RGL2: variants seen among roughly 807,000 people sequenced by gnomAD.
RGL2 encodes ral guanine nucleotide dissociation stimulator like 2, also known as ral guanine nucleotide dissociation stimulator-like 2.
In RGL2, 40 loss-of-function variants were observed where a neutral mutation model predicts 84.6. The observed-to-expected ratio is 0.47, with a 90% CI of 0.37 to 0.62. The LOEUF is 0.62. RGL2 is among the 20% of genes least tolerant of loss of function. The pLI, the probability that RGL2 is intolerant of heterozygous loss-of-function variation, is 0.00. For missense variants in RGL2, 865 were observed against 1,019.7 expected, an observed-to-expected ratio of 0.85 and a Z score of 2.07; for synonymous variants, 369 against 417.3, an observed-to-expected ratio of 0.88 and a Z score of 1.41.
In RGL2 at chr6:33,291,868, C is replaced by T. The variant is rs1473058216; in HGVS notation, c.*234G>A. 3.3e-6 allele frequency: 2 copies of T among 602,326 alleles called. No homozygotes were observed. Among genetic ancestry groups the T allele is most frequent in the Non-Finnish European group, 5.9e-6 (2 of 338,784 alleles). 37.3% of individuals were successfully genotyped at this position (602,326 alleles called of 1,614,324 possible). ...TTTTTCCAGCACTACCTGTGTGCTG[C>T]ACTCATGGAAGGTGGGAAGCTATAC... On this transcript the variant is annotated 3_prime_UTR_variant, in exon 18 of 18. Transcript: ENST00000497454.
rs1248136261 is a variant in RGL2, at chr6:33,295,484, C to A, written c.1020+24G>T. 6.2e-7 allele frequency: 1 copy of A among 1,613,210 alleles called. No individual in the cohort carries two copies. Among genetic ancestry groups the A allele is most frequent in the South Asian group, 1.1e-5 (1 of 91,062 alleles). Reference sequence around the variant, plus strand: ...GGCCTCTCCATTCCATGGCCACAAACCGTAGGGCAATCTTCTCTCTCACCT... The same window carrying A: ...GGCCTCTCCATTCCATGGCCACAAAACGTAGGGCAATCTTCTCTCTCACCT... On this transcript the variant is annotated intron_variant, in intron 7 of 17. Transcript: ENST00000497454. This position sits in a 1 kb window ranked among gnomAD's most constrained non-coding sequence, Gnocchi z 7.2.
At position 33,293,116 on chromosome 6, in the gene RGL2, C is replaced by T. The variant is rs781050237; in HGVS notation, c.1907G>A (p.Gly636Glu). ...TGGCCCAGATCCCTCTCCCCCATAT[C>T]CAGTCCCCCCGGAGGCCTCTTCTGC... Reference protein sequence around the residue: ...GGAEEASGGTGYGGEGSGPGA... With the variant: ...GGAEEASGGTEYGGEGSGPGA... The change falls in exon 16 of 18, where the codon GGA becomes GAA. Residue 636 changes from glycine to glutamate, a missense_variant. This residue lies in a region of RGL2 where 302 missense variants were observed against 327.9 expected (regional missense o/e 0.92). Transcript: ENST00000497454. The surrounding 1 kb of genome is among the most constrained non-coding windows in gnomAD (Gnocchi z 7.0). The T allele has an allele frequency of 6.2e-7, 1 of 1,613,858 alleles. No individual in the cohort carries two copies. Among genetic ancestry groups the T allele is most frequent in the South Asian group, 1.1e-5 (1 of 91,054 alleles).
In RGL2 at chr6:33,295,279, G is replaced by C. The variant is rs374216950; in HGVS notation, c.1124+40C>G. 6.4e-5 allele frequency: 100 copies of C among 1,560,956 alleles called. No homozygotes were observed. Among genetic ancestry groups the C allele is most frequent in the Non-Finnish European group, 8.4e-5 (97 of 1,152,064 alleles). Reference sequence around the variant, plus strand: ...TGTCACCCCCTCTTCCCCGCCTTCTGAGGAACCCCCACCCCAGTCCAATGC... The same window carrying C: ...TGTCACCCCCTCTTCCCCGCCTTCTCAGGAACCCCCACCCCAGTCCAATGC... On this transcript the variant is annotated intron_variant, in intron 8 of 17. Coordinates refer to ENST00000497454, the MANE Select transcript of RGL2 (RefSeq NM_004761.5). This position sits in a 1 kb window ranked among gnomAD's most constrained non-coding sequence, Gnocchi z 7.2.
rs767656250 is a variant in RGL2, at chr6:33,294,652, T to TA, written c.1353+35dup. 1 of 1,611,660 alleles carries TA rather than the reference T, an allele frequency of 6.2e-7. No individual in the cohort carries two copies. The highest frequency in any genetic ancestry group is 1.3e-5 in the African/African-American group (1 of 74,932). ...CTGTCCGACCCTGCAGCCCACTTGT[T>TA]ACATCATTGCAATGACACACACACA... On this transcript the variant is annotated intron_variant, in intron 11 of 17. Coordinates refer to ENST00000497454, the MANE Select transcript of RGL2 (RefSeq NM_004761.5). The surrounding 1 kb of genome is among the most constrained non-coding windows in gnomAD (Gnocchi z 5.0).
In RGL2 at chr6:33,294,137, C is replaced by T; in HGVS notation, c.1354-71G>A. 6.5e-7 allele frequency: 1 copy of T among 1,543,700 alleles called. No homozygotes were observed. Among genetic ancestry groups the T allele is most frequent in the Middle Eastern group, 2.3e-4 (1 of 4,438 alleles). On this transcript the variant is annotated intron_variant, in intron 11 of 17. Transcript: ENST00000497454. The surrounding 1 kb of genome is among the most constrained non-coding windows in gnomAD (Gnocchi z 5.0). ...CGGCCACAGAGAGAGAATATCCCCT[C>T]TCTTAAACACACACAGCCACATCCA... is the stretch of plus-strand genomic sequence containing the variant.
In RGL2 at chr6:33,298,649, C is replaced by A. The variant is rs1473570468; in HGVS notation, c.-39G>T. ...AATCAGCGGGGTCGGGCCATGGGGG[C>A]GCCTGGGGAGAGACGGGGTGGGGTG... On this transcript the variant is annotated splice_region_variant and 5_prime_UTR_variant, in exon 2 of 18. Transcript: ENST00000497454. The surrounding 1 kb of genome is among the most constrained non-coding windows in gnomAD (Gnocchi z 4.8). The A allele has an allele frequency of 7.6e-7, 1 of 1,307,196 alleles. No homozygotes were observed. The highest frequency in any genetic ancestry group is 1.6e-5 in the South Asian group (1 of 61,252). 81.0% of individuals were successfully genotyped at this position (1,307,196 alleles called of 1,614,324 possible). A position where few individuals can be genotyped will look rare whatever the true frequency, so the allele number is the denominator to read the frequency against.
At position 33,297,491 on chromosome 6, in the gene RGL2, G is replaced by A. The variant is rs750267937; in HGVS notation, c.157-376C>T. ...CGAGAGGCAGCAAGCCAGAGGCAGC[G>A]ACTAGGGGTAGCTGAAACCTCAGTC... On this transcript the variant is annotated intron_variant, in intron 2 of 17. Transcript: ENST00000497454. The surrounding 1 kb of genome is among the most constrained non-coding windows in gnomAD (Gnocchi z 4.0). The A allele has an allele frequency of 1.4e-4, 33 of 238,982 alleles. No homozygotes were observed. Among genetic ancestry groups the A allele is most frequent in the Admixed American group, 4.0e-4 (8 of 19,952 alleles). 14.8% of individuals were successfully genotyped at this position (238,982 alleles called of 1,614,324 possible). A position where few individuals can be genotyped will look rare whatever the true frequency, so the allele number is the denominator to read the frequency against.
Position 33,293,562 on chromosome 6 carries a change from G to A in RGL2, c.1605-38C>T, listed in dbSNP as rs1767643675. 2 of 1,612,562 alleles carry A rather than the reference G, an allele frequency of 1.2e-6. No homozygotes were observed. Among genetic ancestry groups the A allele is most frequent in the Non-Finnish European group, 8.5e-7 (1 of 1,179,070 alleles). ...GAGATTGGGAGGATCAGAGAAAAGT[G>A]GAAGTCCCAAGAAACCACCCCCCAG... On this transcript the variant is annotated intron_variant, in intron 14 of 17. Transcript: ENST00000497454. The surrounding 1 kb of genome is among the most constrained non-coding windows in gnomAD (Gnocchi z 7.0).
In RGL2 at chr6:33,298,879, A is replaced by C; in HGVS notation, c.-51T>G. The C allele has an allele frequency of 1.7e-5, 2 of 120,388 alleles. No homozygotes were observed. Among genetic ancestry groups the C allele is most frequent in the Non-Finnish European group, 3.0e-5 (2 of 65,724 alleles). The allele number at this position is 120,388 out of a possible 1,614,324, so 7.5% of individuals were successfully genotyped here. A position where few individuals can be genotyped will look rare whatever the true frequency, so the allele number is the denominator to read the frequency against. ...GTGCTCAGGCTCTGACCTGCTCGGG[A>C]GGGGTGGGGGCAGCGTGGGTCCTGA... is the stretch of plus-strand genomic sequence containing the variant. On this transcript the variant is annotated 5_prime_UTR_variant, in exon 1 of 18. Transcript: ENST00000497454. This position sits in a 1 kb window ranked among gnomAD's most constrained non-coding sequence, Gnocchi z 4.8.
chr6:33,297,023 T>C lies in RGL2; in HGVS notation c.240+9A>G, dbSNP rs1302316975. Reference sequence around the variant, plus strand: ...AGTCAGAGGTGAGAAGCTAAAGTCATGATCTCACCAAGGGATCAAGAGGTC... The same window carrying C: ...AGTCAGAGGTGAGAAGCTAAAGTCACGATCTCACCAAGGGATCAAGAGGTC... On this transcript the variant is annotated intron_variant, in intron 3 of 17. Coordinates refer to ENST00000497454, the MANE Select transcript of RGL2 (RefSeq NM_004761.5). The surrounding 1 kb of genome is among the most constrained non-coding windows in gnomAD (Gnocchi z 4.0). 6.3e-7 allele frequency: 1 copy of C among 1,588,324 alleles called. No individual in the cohort carries two copies. Among genetic ancestry groups the C allele is most frequent in the Non-Finnish European group, 8.6e-7 (1 of 1,167,712 alleles).
chr6:33,291,852 C>T lies in RGL2; in HGVS notation c.*250G>A. 1.7e-6 allele frequency: 1 copy of T among 591,196 alleles called. No homozygotes were observed. Among genetic ancestry groups the T allele is most frequent in the Non-Finnish European group, 3.0e-6 (1 of 333,596 alleles). The allele number at this position is 591,196 out of a possible 1,614,324, so 36.6% of individuals were successfully genotyped here. Reference sequence around the variant, plus strand: ...ATCAGAAACTGATGCGTTTTTCCAGCACTACCTGTGTGCTGCACTCATGGA... The same window carrying T: ...ATCAGAAACTGATGCGTTTTTCCAGTACTACCTGTGTGCTGCACTCATGGA... On this transcript the variant is annotated 3_prime_UTR_variant, in exon 18 of 18. Coordinates refer to ENST00000497454, the MANE Select transcript of RGL2 (RefSeq NM_004761.5).
chr6:33,292,551 G>A lies in RGL2; in HGVS notation c.2008-7C>T, dbSNP rs1486178351. On this transcript the variant is annotated splice_region_variant and splice_polypyrimidine_tract_variant and intron_variant, in intron 16 of 17. Transcript: ENST00000497454. ...CCTTGTCCTGGCTTGTCACCTGGCA[G>A]AACAGGAGACCAAAAGAGCAATCAA... 2 of 1,606,382 alleles carry A rather than the reference G, an allele frequency of 1.2e-6. No homozygotes were observed. Among genetic ancestry groups the A allele is most frequent in the Non-Finnish European group, 1.7e-6 (2 of 1,173,070 alleles).
Position 33,294,893 on chromosome 6 carries a change from A to T in RGL2, c.1278+84T>A. On this transcript the variant is annotated intron_variant, in intron 10 of 17. Coordinates refer to ENST00000497454, the MANE Select transcript of RGL2 (RefSeq NM_004761.5). This position sits in a 1 kb window ranked among gnomAD's most constrained non-coding sequence, Gnocchi z 5.0. ...TCACCCCTCTGTGCCTCCCTTACCC[A>T]TCCTTCAGGCTGCTCCCCCAAAACA... The T allele has an allele frequency of 6.7e-7, 1 of 1,500,658 alleles. No homozygotes were observed. The highest frequency in any genetic ancestry group is 9.1e-7 in the Non-Finnish European group (1 of 1,103,528). The allele number at this position is 1,500,658 out of a possible 1,614,324, so 93.0% of individuals were successfully genotyped here.
chr6:33,296,511 A>G lies in RGL2; in HGVS notation c.420-47T>C. On this transcript the variant is annotated intron_variant, in intron 4 of 17. Coordinates refer to ENST00000497454, the MANE Select transcript of RGL2 (RefSeq NM_004761.5). The surrounding 1 kb of genome is among the most constrained non-coding windows in gnomAD (Gnocchi z 5.0). ...ATCTGTCCATTTTTCCCAAACCCTC[A>G]GTGGCTTTGACTATTTTGGTGGGAT... 1.3e-6 allele frequency: 2 copies of G among 1,588,276 alleles called. No homozygotes were observed. The highest frequency in any genetic ancestry group is 1.7e-6 in the Non-Finnish European group (2 of 1,167,146).
chr6:33,292,580 G>A (rs753375837), intron 16 of RGL2, 36 bp from the exon 17 acceptor site: 8 of 1,519,072 alleles, frequency 5.3e-6, no homozygotes, highest in South Asian at 3.4e-5. Context: ...CAATCAATCA[G>A]CCATGATTTC....
At chr6:33,292,890 C>G (rs1767555208) in intron 16 of RGL2, 126 bp downstream of exon 16, 1 of 1,180,472 alleles carries the variant, frequency 8.5e-7, no homozygotes, top group African/African-American at 1.5e-5. Context: ...TAAAACATAA[C>G]TGCCAAAACC....
chr6:33,296,366 C>T lies in RGL2; in HGVS notation c.471-41G>A. ...CAGCCAAGGGTGAGAGGTAAAGCTG[C>T]AGCCTGGGCAGAGGGGACTGTGAGA... On this transcript the variant is annotated intron_variant, in intron 5 of 17. Coordinates refer to ENST00000497454, the MANE Select transcript of RGL2 (RefSeq NM_004761.5). This position sits in a 1 kb window ranked among gnomAD's most constrained non-coding sequence, Gnocchi z 5.0. The T allele has an allele frequency of 6.2e-7, 1 of 1,604,598 alleles. No homozygotes were observed.
At position 33,294,397 on chromosome 6, in the gene RGL2, T is replaced by C. The variant is rs531284788; in HGVS notation, c.1353+291A>G. 1.3e-5 allele frequency among the ~76,000 whole-genome samples: 2 copies of C among 152,280 alleles called. No homozygotes were observed. Among genetic ancestry groups the C allele is most frequent in the South Asian group, 4.1e-4 (2 of 4,822 alleles). On this transcript the variant is annotated intron_variant, in intron 11 of 17. Coordinates refer to ENST00000497454, the MANE Select transcript of RGL2 (RefSeq NM_004761.5). The surrounding 1 kb of genome is among the most constrained non-coding windows in gnomAD (Gnocchi z 5.0). ...CAGTATTTGTTTATTTAACAAACTC[T>C]AGCAATAGAGCAGGAGCCCATCACA...
upstream of RGL2, chr6:33,301,585 A>G (rs1163110160): frequency 6.3e-6 from 4 of 634,932 alleles, no homozygotes; most frequent in Middle Eastern, 3.3e-4. Context: ...AAAAAAAAAA[A>G]AAAAGAAAAA....
Sources: gnomAD v4.1 joint callset for allele counts (sites outside exome capture counted in the v4.1 genomes callset) on GRCh38, gnomAD v4.1.1 for gene constraint, gnomAD v4.1.1 regional missense constraint, Gnocchi (gnomAD v3.1) non-coding constraint, MANE v1.5 for transcripts, NCBI Gene and HGNC (gene_info 2026-07-23, HGNC 2026-07-21) for gene names.